Variants in FBXO39 observed in about 807,000 individuals in gnomAD.
The protein encoded by FBXO39 is F-box only protein 39.
A neutral mutation model predicts 36.6 loss-of-function variants in FBXO39; 22 were observed. The ratio of observed to expected loss-of-function variants is 0.60; its 90% CI spans 0.43 to 0.86. The LOEUF is 0.86. FBXO39 is among the 40% of genes least tolerant of loss of function. FBXO39 has a pLI of 0.00. For missense variants in FBXO39, 536 were observed against 543.9 expected, an observed-to-expected ratio of 0.99 and a Z score of 0.14; for synonymous variants, 206 against 205.8, an observed-to-expected ratio of 1.00 and a Z score of -0.01.
intron 2 of FBXO39, among the ~76,000 whole-genome samples, chr17:6,781,426 C>A (rs1450147003): frequency 6.6e-6 from 1 of 152,140 alleles, no homozygotes; most frequent in Non-Finnish European, 1.5e-5. Flanking sequence ...AATCTAGTAG[C>A]TTTCTCACCT....
Position 6,779,801 on chromosome 17 carries a change from T to C in FBXO39, c.-68T>C, listed in dbSNP as rs780619106. On this transcript the variant is annotated 5_prime_UTR_variant, in exon 2 of 4. Transcript: ENST00000321535. Reference sequence around the variant, plus strand: ...TTATTCCCCACAGAAAGCAAGTGATTGCTTTCCTTTCCTCATTTTTGGAAG... The same window carrying C: ...TTATTCCCCACAGAAAGCAAGTGATCGCTTTCCTTTCCTCATTTTTGGAAG... The C allele has an allele frequency of 1.0e-4, 149 of 1,488,072 alleles. No individual in the cohort carries two copies. Among genetic ancestry groups the C allele is most frequent in the Middle Eastern group, 5.3e-4 (3 of 5,662 alleles). The allele number at this position is 1,488,072 out of a possible 1,614,324, so 92.2% of individuals were successfully genotyped here.
chr17:6,783,145 T>G (rs921447014), intron 2 of FBXO39, among the ~76,000 whole-genome samples: 11 of 152,192 alleles, frequency 7.2e-5, no homozygotes, highest in Admixed American at 2.6e-4. Context: ...GACATGGAAA[T>G]TAAACAATAT....
chr17:6,786,573 T>C (rs1285638957), intron 2 of FBXO39, among the ~76,000 whole-genome samples: 2 of 152,212 alleles, frequency 1.3e-5, no homozygotes, highest in Non-Finnish European at 2.9e-5. Flanking sequence ...ATTGTGATTA[T>C]TACACATTGT....
At chr17:6,786,259 T>G (rs879082349) in intron 2 of FBXO39, among the ~76,000 whole-genome samples, 1 of 152,226 alleles carries the variant, frequency 6.6e-6, no homozygotes, top group African/African-American at 2.4e-5. Context: ...GGACAAACTT[T>G]GCATGTTCTC....
At chr17:6,787,238 ATGTG>A (rs756808686) in intron 3 of FBXO39, 58 bp from the exon 4 acceptor site, 51 of 873,438 alleles carry the variant, frequency 5.8e-5, no homozygotes, top group Middle Eastern at 2.6e-4. Context: ...GTGTGTGTGT[ATGTG>A]TGTGTGTGTG....
At position 6,780,356 on chromosome 17, in the gene FBXO39, G is replaced by T; in HGVS notation, c.488G>T (p.Arg163Leu). 9 of 1,614,086 alleles carry T rather than the reference G, an allele frequency of 5.6e-6. No homozygotes were observed. The highest frequency in any genetic ancestry group is 6.8e-6 in the Non-Finnish European group (8 of 1,180,032). The change falls in exon 2 of 4, where the codon CGC becomes CTC. Residue 163 changes from arginine (R) to leucine (L), a missense_variant. Transcript: ENST00000321535. ...TTCTTCTTAAAGAAGATGGGCAAAC[G>T]CCTGGATTATCTCAACCTAAAAGGG... ...LSFFLKKMGK[R>L]LDYLNLKGAR...
chr17:6,786,652 T>A, intron 2 of FBXO39, 128 bp from the exon 3 acceptor site: 1 of 720,894 alleles, frequency 1.4e-6, no homozygotes, highest in South Asian at 2.1e-5. Context: ...AATTAAAAAT[T>A]AAAGTTAAAA....
chr17:6,779,805 T>C lies in FBXO39; in HGVS notation c.-64T>C. The stretch of plus-strand genomic sequence containing the variant: ...TCCCCACAGAAAGCAAGTGATTGCT[T>C]TCCTTTCCTCATTTTTGGAAGCCCT... On this transcript the variant is annotated 5_prime_UTR_variant, in exon 2 of 4. Transcript: ENST00000321535. 2.0e-6 allele frequency: 3 copies of C among 1,513,066 alleles called. No individual in the cohort carries two copies. The allele number at this position is 1,513,066 out of a possible 1,614,324, so 93.7% of individuals were successfully genotyped here.
At chr17:6,782,503 A>T (rs1976521483) in intron 2 of FBXO39, among the ~76,000 whole-genome samples, 1 of 152,130 alleles carries the variant, frequency 6.6e-6, no homozygotes, top group African/African-American at 2.4e-5. Context: ...AAAAAGAAAG[A>T]CTCAATTATC....
chr17:6,778,527 G>A (rs1428879796), intron 1 of FBXO39, among the ~76,000 whole-genome samples: 4 of 152,142 alleles, frequency 2.6e-5, no homozygotes, highest in African/African-American at 9.7e-5. Context: ...CTGGCCTTCA[G>A]TGTTCATCTG....
intron 2 of FBXO39, among the ~76,000 whole-genome samples, chr17:6,783,418 A>C (rs768392230): frequency 6.6e-6 from 1 of 152,114 alleles, no homozygotes; most frequent in Non-Finnish European, 1.5e-5. Flanking sequence ...TAAAGATTGG[A>C]GCAGAAATGA....
Position 6,780,861 on chromosome 17 carries a change from T to G in FBXO39, c.993T>G (p.Asp331Glu). 6.2e-7 allele frequency: 1 copy of G among 1,613,266 alleles called. No homozygotes were observed. Among genetic ancestry groups the G allele is most frequent in the Non-Finnish European group, 8.5e-7 (1 of 1,179,976 alleles). Residue 331 changes from aspartate to glutamate, a missense_variant, in exon 2 of 4, where the codon GAT (aspartate) becomes GAG (glutamate). By Grantham distance (45) the Asp-to-Glu change is conservative. Coordinates refer to ENST00000321535, the MANE Select transcript of FBXO39 (RefSeq NM_153230.3). Reference protein sequence around the residue: ...PDCSMRPTLIDLLPTFRHTLQ... With the variant: ...PDCSMRPTLIELLPTFRHTLQ... Reference sequence around the variant, plus strand: ...GTTCAATGAGACCCACTCTGATAGATCTCCTGCCCACCTTCCGGCACACTC... The same window carrying G: ...GTTCAATGAGACCCACTCTGATAGAGCTCCTGCCCACCTTCCGGCACACTC...
At chr17:6,778,389 G>A (rs906752) in intron 1 of FBXO39, among the ~76,000 whole-genome samples, 47,017 of 151,956 alleles carry the variant, frequency 0.31, 9,117 homozygotes, top group African/African-American at 0.54. Context: ...ACTTGCCCCT[G>A]CACCCTTGTG....
At chr17:6,782,866 A>G (rs1465658835) in intron 2 of FBXO39, among the ~76,000 whole-genome samples, 2 of 151,960 alleles carry the variant, frequency 1.3e-5, no homozygotes, top group Admixed American at 1.3e-4. Context: ...GTAGATCTTC[A>G]AGACACAAAA....
At chr17:6,778,576 A>G (rs964775564) in intron 1 of FBXO39, among the ~76,000 whole-genome samples, 4 of 152,170 alleles carry the variant, frequency 2.6e-5, no homozygotes, top group African/African-American at 9.6e-5. Flanking sequence ...CAGCACCACA[A>G]TTTTATGAGC....
chr17:6,782,041 C>T (rs991051693), intron 2 of FBXO39, among the ~76,000 whole-genome samples: 2 of 151,828 alleles, frequency 1.3e-5, no homozygotes, highest in Non-Finnish European at 2.9e-5. Flanking sequence ...ATAAGCTGAT[C>T]GAAAATAATA....
intron 3 of FBXO39, 138 bp downstream of exon 3, chr17:6,787,094 G>T: frequency 7.6e-7 from 1 of 1,317,724 alleles, no homozygotes. Flanking sequence ...TCAAAGAAGG[G>T]AATCTGGAGC....
intron 1 of FBXO39, among the ~76,000 whole-genome samples, chr17:6,778,098 G>C (rs1321381880): frequency 2.6e-5 from 4 of 152,202 alleles, no homozygotes; most frequent in Non-Finnish European, 4.4e-5. Context: ...GAAAGAGGAT[G>C]GGAGACAGGC....
chr17:6,778,491 G>A (rs1976461803), intron 1 of FBXO39, among the ~76,000 whole-genome samples: 1 of 152,184 alleles, frequency 6.6e-6, no homozygotes, highest in African/African-American at 2.4e-5. Flanking sequence ...CTTGCTGTGA[G>A]ACTATAGGTG....
Sources: allele counts gnomAD v4.1 joint callset (sites outside exome capture counted in the v4.1 genomes callset), GRCh38; gene constraint gnomAD v4.1.1; transcripts MANE v1.5; gene names NCBI Gene and HGNC (gene_info 2026-07-23, HGNC 2026-07-21).